IL1RAPL1: variants seen among roughly 807,000 people sequenced by gnomAD.
The protein encoded by IL1RAPL1 is interleukin 1 receptor accessory protein like 1, also known as interleukin-1 receptor accessory protein-like 1.
In IL1RAPL1, 3 loss-of-function variants were observed where a neutral mutation model predicts 48.4. That is an observed-to-expected ratio of 0.06 (90% CI 0.03 to 0.16). IL1RAPL1 has a LOEUF of 0.16. Among genes scored for constraint, IL1RAPL1 ranks in the 10% least tolerant of loss-of-function variants. The pLI is 1.00. For missense variants in IL1RAPL1, 349 were observed against 530.6 expected, an observed-to-expected ratio of 0.66 and a Z score of 3.36; for synonymous variants, 185 against 187.7, an observed-to-expected ratio of 0.99 and a Z score of 0.12.
At chrX:29,131,387 T>G (rs1377913424) in intron 2 of IL1RAPL1, among the ~76,000 whole-genome samples, 1 of 110,369 alleles carries the variant, frequency 9.1e-6, no homozygotes, top group African/African-American at 3.3e-5. Flanking sequence ...CTCTTTACCT[T>G]AACTTAGGGT....
chrX:29,563,173 G>A (rs1237301852), intron 5 of IL1RAPL1, among the ~76,000 whole-genome samples: 1 of 108,434 alleles, frequency 9.2e-6, no homozygotes, highest in Non-Finnish European at 1.9e-5. Context: ...GATTCAGATA[G>A]TTAAATTATT....
At chrX:29,499,579 AC>A (rs1460047039) in intron 5 of IL1RAPL1, among the ~76,000 whole-genome samples, 1 of 112,092 alleles carries the variant, frequency 8.9e-6, no homozygotes, top group African/African-American at 3.2e-5. Context: ...AATATAAAAT[AC>A]AAATACATAG....
At position 28,836,369 on chromosome X, in the gene IL1RAPL1, A is replaced by ATATATATATATAT. The variant is rs1569183037; in HGVS notation, c.82+46944_82+46945insTATATATATATAT. 9.6e-5 allele frequency among the ~76,000 whole-genome samples: 7 copies of ATATATATATATAT among 73,227 alleles called. No homozygotes were observed. The African/African-American group carries it at 1.3e-3, about 14-fold the overall frequency. The allele number at this position is 73,227 out of a possible 115,157, so 63.6% of individuals were successfully genotyped here. A position where few individuals can be genotyped will look rare whatever the true frequency, so the allele number is the denominator to read the frequency against. ...ATATATATATATATATATATGACAG[A>ATATATATATATAT]GAGAGAGAGAGAGAGAGACAGACAG... On this transcript the variant is annotated intron_variant, in intron 2 of 10. Coordinates refer to ENST00000378993, the MANE Select transcript of IL1RAPL1 (RefSeq NM_014271.4).
intron 6 of IL1RAPL1, among the ~76,000 whole-genome samples, chrX:29,884,330 G>A (rs888001160): frequency 3.6e-5 from 4 of 110,759 alleles, no homozygotes; most frequent in African/African-American, 9.9e-5. Context: ...AATAGTTAAT[G>A]TGCCATCCTC....
intron 1 of IL1RAPL1, among the ~76,000 whole-genome samples, chrX:28,682,491 G>A (rs766649718): frequency 6.0e-4 from 66 of 109,928 alleles, no homozygotes; most frequent in African/African-American, 2.1e-3. Flanking sequence ...TTATATTTTT[G>A]GTAGAGACAG....
chrX:29,345,168 G>A (rs1933135458), intron 3 of IL1RAPL1, among the ~76,000 whole-genome samples: 1 of 112,121 alleles, frequency 8.9e-6, no homozygotes. Context: ...ACATAAGCAA[G>A]TATTTCTCTG....
chrX:29,698,601 G>A (rs1045871132), intron 6 of IL1RAPL1, among the ~76,000 whole-genome samples: 1 of 110,612 alleles, frequency 9.0e-6, no homozygotes, highest in African/African-American at 3.3e-5. Context: ...AAGGGAGGGA[G>A]GGAGGGAGGA....
intron 5 of IL1RAPL1, among the ~76,000 whole-genome samples, chrX:29,441,494 TG>T (rs1351408931): frequency 8.9e-6 from 1 of 112,260 alleles, no homozygotes; most frequent in East Asian, 2.8e-4. Flanking sequence ...CACTGATGAA[TG>T]AATTAACATG....
chrX:29,078,752 TG>T (rs1373232680), intron 2 of IL1RAPL1, among the ~76,000 whole-genome samples: 6 of 111,663 alleles, frequency 5.4e-5, no homozygotes, highest in Admixed American at 2.9e-4. Context: ...ACTCTATATG[TG>T]GGATTTTATG....
chrX:28,997,377 G>T (rs1199434882), intron 2 of IL1RAPL1, among the ~76,000 whole-genome samples: 1 of 111,548 alleles, frequency 9.0e-6, no homozygotes, highest in Non-Finnish European at 1.9e-5. Context: ...ACTCTATGTT[G>T]GTGATATTCA....
At chrX:29,136,492 T>A (rs992827313) in intron 2 of IL1RAPL1, among the ~76,000 whole-genome samples, 4 of 111,719 alleles carry the variant, frequency 3.6e-5, no homozygotes, top group African/African-American at 1.3e-4. Flanking sequence ...CTGTGTGATC[T>A]TTTTTATTAT....
At chrX:29,636,800 A>T (rs571196681) in intron 5 of IL1RAPL1, among the ~76,000 whole-genome samples, 3 of 111,897 alleles carry the variant, frequency 2.7e-5, no homozygotes, top group South Asian at 7.5e-4. Context: ...GCACTTTGGG[A>T]GGCCGAGGTG....
intron 2 of IL1RAPL1, among the ~76,000 whole-genome samples, chrX:28,896,527 A>G (rs1447597315): frequency 1.8e-5 from 2 of 111,253 alleles, no homozygotes; most frequent in Non-Finnish European, 3.8e-5. Context: ...CACCTTTTTA[A>G]GAGGAAATTG....
At chrX:28,848,234 G>A (rs1242645031) in intron 2 of IL1RAPL1, among the ~76,000 whole-genome samples, 2 of 110,950 alleles carry the variant, frequency 1.8e-5, no homozygotes. Flanking sequence ...AAACCTAGAT[G>A]ACAGGTTGGT....
At chrX:29,056,362 A>G (rs1927213830) in intron 2 of IL1RAPL1, among the ~76,000 whole-genome samples, 1 of 111,615 alleles carries the variant, frequency 9.0e-6, no homozygotes. Flanking sequence ...TTTATTAACA[A>G]TAAGGATTTG....
intron 3 of IL1RAPL1, among the ~76,000 whole-genome samples, chrX:29,333,416 C>T (rs1473502238): frequency 1.1e-4 from 10 of 90,191 alleles, no homozygotes; most frequent in Non-Finnish European, 2.1e-4. Context: ...CTGACCCCCC[C>T]ACCTCCCTCC....
intron 3 of IL1RAPL1, among the ~76,000 whole-genome samples, chrX:29,382,689 G>GTTTA (rs752687739): frequency 3.9e-4 from 43 of 111,458 alleles, no homozygotes; most frequent in Admixed American, 9.6e-4. Context: ...TTATGTATTT[G>GTTTA]TTTATTTATT....
At chrX:29,454,509 G>A (rs1045511423) in intron 5 of IL1RAPL1, among the ~76,000 whole-genome samples, 6 of 111,245 alleles carry the variant, frequency 5.4e-5, no homozygotes, top group African/African-American at 1.6e-4. Context: ...GGCCATGTGT[G>A]CACCACATAT....
intron 5 of IL1RAPL1, among the ~76,000 whole-genome samples, chrX:29,459,895 T>C (rs1191288779): frequency 6.3e-5 from 7 of 111,833 alleles, no homozygotes; most frequent in African/African-American, 9.8e-5. Context: ...TTGTATCTTT[T>C]GACCAACATA....
Sources: allele counts gnomAD v4.1 joint callset (sites outside exome capture counted in the v4.1 genomes callset), GRCh38; gene constraint gnomAD v4.1.1; transcripts MANE v1.5; gene names NCBI Gene and HGNC (gene_info 2026-07-23, HGNC 2026-07-21).